Variants in SMARCAD1 observed in about 807,000 individuals in gnomAD.
SMARCAD1 encodes the protein SNF2 related chromatin remodeling ATPase with DExD box 1.
SMARCAD1 carries 25 observed loss-of-function variants against 127.1 expected under a neutral mutation model. The observed-to-expected ratio is 0.20, with a 90% CI of 0.14 to 0.27. The LOEUF is 0.27. Ranked by LOEUF, SMARCAD1 falls within the 10% of genes least tolerant of loss-of-function variation. The pLI is 1.00. For missense variants in SMARCAD1, 807 were observed against 1,206.0 expected (o/e 0.67, Z 4.90); for synonymous variants, 400 against 396.9 (o/e 1.01, Z -0.09).
chr4:94,257,695 A>G lies in SMARCAD1; in HGVS notation c.1281+4688A>G, dbSNP rs142636141. On this transcript the variant is annotated intron_variant, in intron 9 of 23. Transcript: ENST00000354268. ...TTGTTCTCCGCCCCCACAAAAAAAAATCTATATCCACCCTTTTCCCCAGCC... is the reference window on the plus strand; with the variant it reads ...TTGTTCTCCGCCCCCACAAAAAAAAGTCTATATCCACCCTTTTCCCCAGCC... Among the ~76,000 whole-genome samples the G allele has an allele frequency of 1.1e-3, 160 of 152,296 alleles. 2 individuals are homozygous for G. The East Asian group carries it at 0.02, about 19-fold the overall frequency.
At chr4:94,220,572 T>C (rs950263360) in intron 2 of SMARCAD1, among the ~76,000 whole-genome samples, 6 of 152,180 alleles carry the variant, frequency 3.9e-5, no homozygotes, top group African/African-American at 1.4e-4. Flanking sequence ...AAGTGTGGTC[T>C]GTGAACTTTT....
chr4:94,217,125 T>C (rs976360398), intron 2 of SMARCAD1, among the ~76,000 whole-genome samples: 2 of 152,154 alleles, frequency 1.3e-5, no homozygotes, highest in Non-Finnish European at 2.9e-5. Context: ...GCCAACATAA[T>C]GGACATGAGT....
intron 10 of SMARCAD1, among the ~76,000 whole-genome samples, chr4:94,265,568 G>T (rs997343955): frequency 6.6e-6 from 1 of 151,478 alleles, no homozygotes; most frequent in Admixed American, 6.6e-5. Flanking sequence ...AATTGTGATC[G>T]CCCACATTTT....
At chr4:94,235,417 C>A (rs996514997) in intron 4 of SMARCAD1, among the ~76,000 whole-genome samples, 1 of 151,802 alleles carries the variant, frequency 6.6e-6, no homozygotes, top group African/African-American at 2.4e-5. Context: ...ACATGCTATT[C>A]AAGCCAAACA....
chr4:94,283,410 C>G lies in SMARCAD1; in HGVS notation c.2909+107C>G, dbSNP rs149327330. 1,515 of 979,454 alleles carry G rather than the reference C, an allele frequency of 1.5e-3. 44 individuals carry two copies. In the East Asian group the frequency reaches 0.038, roughly 25 times the overall value. The allele number at this position is 979,454 out of a possible 1,614,324, so 60.7% of individuals were successfully genotyped here. A position where few individuals can be genotyped will look rare whatever the true frequency, so the allele number is the denominator to read the frequency against. On this transcript the variant is annotated intron_variant, in intron 22 of 23. Coordinates refer to ENST00000354268, the MANE Select transcript of SMARCAD1 (RefSeq NM_020159.5). ...CCTGCCTTAGTTTTTGTTTTTTCGG[C>G]AAAGCATGGCTACTGATGTATTTTA...
chr4:94,227,155 TG>T (rs1196018771), intron 3 of SMARCAD1, among the ~76,000 whole-genome samples: 3 of 152,092 alleles, frequency 2.0e-5, no homozygotes, highest in African/African-American at 4.8e-5. Context: ...TTCCAGGCAT[TG>T]GGAATATCAT....
intron 9 of SMARCAD1, chr4:94,253,488 G>T (rs1020056159): frequency 2.3e-5 from 26 of 1,126,060 alleles, no homozygotes; most frequent in Non-Finnish European, 2.9e-5. Context: ...CACAAAAGAA[G>T]CAATTGTTTA....
At chr4:94,225,677 A>T (rs1399850563) in intron 2 of SMARCAD1, among the ~76,000 whole-genome samples, 1 of 152,242 alleles carries the variant, frequency 6.6e-6, no homozygotes, top group Non-Finnish European at 1.5e-5. Flanking sequence ...AATGCTTTAC[A>T]TATATAATCT....
Position 94,276,354 on chromosome 4 carries a change from C to G in SMARCAD1, c.1824C>G (p.Ile608Met). Residue 608 changes from isoleucine to methionine, a missense_variant, in exon 15 of 24, where the codon ATC becomes ATG. This residue lies in a region of SMARCAD1 where 148 missense variants were observed against 313.2 expected (regional missense o/e 0.47). Transcript: ENST00000354268. ...TTGGTGACAGATATAACTGTGCGAT[C>G]AGCAGTTCTGATGACCGTAGTCTGT... Reference protein sequence around the residue: ...NVIVTTYNCAISSSDDRSLFR... With the variant: ...NVIVTTYNCAMSSSDDRSLFR... The G allele has an allele frequency of 6.2e-7, 1 of 1,614,092 alleles. No individual in the cohort carries two copies. The highest frequency in any genetic ancestry group is 8.5e-7 in the Non-Finnish European group (1 of 1,180,016).
intron 2 of SMARCAD1, chr4:94,213,164 T>C (rs912564537): frequency 2.5e-6 from 3 of 1,216,868 alleles, no homozygotes; most frequent in Admixed American, 2.4e-5. Flanking sequence ...TATGTAAATA[T>C]ATAGTTAAAA....
At chr4:94,284,319 T>C (rs1579371454) in intron 22 of SMARCAD1, among the ~76,000 whole-genome samples, 1 of 77,892 alleles carries the variant, frequency 1.3e-5, no homozygotes, top group South Asian at 4.8e-4. Context: ...GGAGCAAGAC[T>C]CCGTCTCAAA....
At chr4:94,272,304 C>T (rs1371061956) in intron 11 of SMARCAD1, among the ~76,000 whole-genome samples, 2 of 152,180 alleles carry the variant, frequency 1.3e-5, no homozygotes, top group Non-Finnish European at 1.5e-5. Context: ...AGGAGGTGGA[C>T]ACAATTCAGT....
chr4:94,221,920 A>T (rs1482251725), intron 2 of SMARCAD1, among the ~76,000 whole-genome samples: 1 of 152,222 alleles, frequency 6.6e-6, no homozygotes, highest in Non-Finnish European at 1.5e-5. Context: ...AGAAGAAATG[A>T]TAGGACAAAG....
intron 22 of SMARCAD1, among the ~76,000 whole-genome samples, chr4:94,283,723 G>A (rs1754438823): frequency 1.3e-5 from 2 of 151,956 alleles, no homozygotes; most frequent in South Asian, 2.1e-4. Context: ...TACTAGGGAG[G>A]CTGAGGCAGG....
intron 3 of SMARCAD1, among the ~76,000 whole-genome samples, chr4:94,231,691 T>G (rs1324073465): frequency 1.3e-5 from 2 of 152,138 alleles, no homozygotes; most frequent in Non-Finnish European, 2.9e-5. Context: ...TCATTTAACT[T>G]GTACCTTAGG....
chr4:94,235,097 T>C (rs1459532719), intron 4 of SMARCAD1, among the ~76,000 whole-genome samples: 1 of 152,140 alleles, frequency 6.6e-6, no homozygotes, highest in Non-Finnish European at 1.5e-5. Context: ...AAATCACCCA[T>C]TTAAAATATA....
chr4:94,225,125 T>C (rs1376953621), intron 2 of SMARCAD1, among the ~76,000 whole-genome samples: 1 of 152,208 alleles, frequency 6.6e-6, no homozygotes, highest in Admixed American at 6.5e-5. Context: ...TAATACTTTA[T>C]TGACCTGTTT....
chr4:94,213,127 T>G, intron 2 of SMARCAD1: 1 of 1,284,402 alleles, frequency 7.8e-7, no homozygotes, highest in South Asian at 1.2e-5. Flanking sequence ...TGAAGCCTGA[T>G]CCTCCAAGAG....
In SMARCAD1 at chr4:94,274,807, T is replaced by G. The variant is rs770848269; in HGVS notation, c.1732+10T>G. ...GTCCTCTGTTACTATGGTAAGAATA[T>G]GTCATTCTGCTTTTAACTTTGGAAA... On this transcript the variant is annotated intron_variant, in intron 13 of 23. Transcript: ENST00000354268. The G allele has an allele frequency of 4.3e-6, 7 of 1,613,506 alleles. No homozygotes were observed. Among genetic ancestry groups the G allele is most frequent in the Non-Finnish European group, 5.9e-6 (7 of 1,179,450 alleles).
Sources: allele counts gnomAD v4.1 joint callset (sites outside exome capture counted in the v4.1 genomes callset), GRCh38; gene constraint gnomAD v4.1.1; regional missense constraint gnomAD v4.1.1; transcripts MANE v1.5; gene names NCBI Gene and HGNC (gene_info 2026-07-23, HGNC 2026-07-21).